The following LYRM4 variants were observed in gnomAD, a reference collection of about 807,000 sequenced individuals.
The protein encoded by LYRM4 is LYR motif containing 4.
A neutral mutation model predicts 11.7 loss-of-function variants in LYRM4; 9 were observed. That is an observed-to-expected ratio of 0.77 (90% CI 0.46 to 1.34). LYRM4 has a LOEUF of 1.34. LYRM4 is among the 40% of genes most tolerant of loss of function. LYRM4 has a pLI of 0.00. For missense variants in LYRM4, 133 were observed against 112.5 expected (o/e 1.18, Z -0.82); for synonymous variants, 42 against 40.4 (o/e 1.04, Z -0.15).
At chr6:5,185,203 C>T (rs1760315821) in intron 2 of LYRM4, among the ~76,000 whole-genome samples, 1 of 152,178 alleles carries the variant, frequency 6.6e-6, no homozygotes, top group South Asian at 2.1e-4. Context: ...AATATGTGTC[C>T]AATGAATGAA....
chr6:5,223,508 T>C (rs1762706989), intron 1 of LYRM4, among the ~76,000 whole-genome samples: 1 of 152,196 alleles, frequency 6.6e-6, no homozygotes, highest in Non-Finnish European at 1.5e-5. Flanking sequence ...CGATAAGCCC[T>C]ATCCAATCTT....
rs71540855 is a variant in LYRM4, at chr6:5,245,089, TA to T, written c.86+15558del. Reference sequence around the variant, plus strand: ...GCTGACTTTATTTGCAGGAAGACCTTAAAAAAAAAAAAAAAAAAAAAAAAAT... The same window carrying T: ...GCTGACTTTATTTGCAGGAAGACCTTAAAAAAAAAAAAAAAAAAAAAAAAT... On this transcript the variant is annotated intron_variant, in intron 1 of 2. Coordinates refer to ENST00000330636, the MANE Select transcript of LYRM4 (RefSeq NM_020408.6). Among the ~76,000 whole-genome samples the T allele has an allele frequency of 5.7e-3, 89 of 15,480 alleles. 12 individuals are homozygous for T. The highest frequency in any genetic ancestry group is 0.023 in the East Asian group (9 of 392). 10.2% of individuals were successfully genotyped at this position (15,480 alleles called of 152,430 possible).
the LYRM4 span, chr6:5,085,319 C>G: frequency 2.7e-5 from 15 of 554,240 alleles, no homozygotes; most frequent in South Asian, 3.8e-4. Flanking sequence ...AGCTAAAAGC[C>G]GGAGGCTCCA....
At chr6:5,162,581 T>C (rs1022507476) in intron 2 of LYRM4, among the ~76,000 whole-genome samples, 17 of 152,262 alleles carry the variant, frequency 1.1e-4, no homozygotes, top group African/African-American at 4.1e-4. Flanking sequence ...TTCATGGTAA[T>C]GGAAAAACTT....
At chr6:5,077,652 C>A in the LYRM4 span, among the ~76,000 whole-genome samples, 1 of 152,130 alleles carries the variant, frequency 6.6e-6, no homozygotes, top group African/African-American at 2.4e-5. Context: ...AGAATAAAAA[C>A]TTGACACTAA....
At chr6:5,138,304 C>T (rs978691416) in intron 2 of LYRM4, among the ~76,000 whole-genome samples, 1 of 151,752 alleles carries the variant, frequency 6.6e-6, no homozygotes, top group Admixed American at 6.6e-5. Context: ...GGCAACATGA[C>T]AAAACCCTGT....
At chr6:5,224,233 T>A (rs933472099) in intron 1 of LYRM4, among the ~76,000 whole-genome samples, 1 of 152,170 alleles carries the variant, frequency 6.6e-6, no homozygotes, top group Non-Finnish European at 1.5e-5. Flanking sequence ...AAGACCACAG[T>A]AAATAAATTA....
Position 5,112,438 on chromosome 6 carries a change from C to CAG in LYRM4, c.208-2949_208-2948dup, listed in dbSNP as rs543018099. On this transcript the variant is annotated intron_variant, in intron 2 of 2. Transcript: ENST00000330636. ...TGGCTCTGCCGCGAAGACAGACAGG[C>CAG]AGGCAGGGCTCTTTCCTACAAGTGA... Among the ~76,000 whole-genome samples, 152 of 152,332 alleles carry CAG rather than the reference C, an allele frequency of 1.0e-3. 2 individuals carry two copies. The highest frequency in any genetic ancestry group is 2.7e-3 in the African/African-American group (111 of 41,582).
At chr6:5,115,039 C>A (rs1763056481) in intron 2 of LYRM4, among the ~76,000 whole-genome samples, 1 of 152,152 alleles carries the variant, frequency 6.6e-6, no homozygotes, top group Non-Finnish European at 1.5e-5. Flanking sequence ...ATATCATTAA[C>A]TGTTCTTTTA....
chr6:5,234,657 A>G (rs1170159871), intron 1 of LYRM4, among the ~76,000 whole-genome samples: 1 of 152,182 alleles, frequency 6.6e-6, no homozygotes, highest in Non-Finnish European at 1.5e-5. Flanking sequence ...AAGGTTCTAC[A>G]TGAGTAGGAA....
chr6:5,135,458 A>G (rs421203), intron 2 of LYRM4, among the ~76,000 whole-genome samples: 34,749 of 40,668 alleles, frequency 0.85, 14,978 homozygotes, highest in East Asian at 0.93. Flanking sequence ...CACTCCCGGG[A>G]CTGTGGAGGG....
chr6:5,066,665 A>G, the LYRM4 span: 2 of 1,132,892 alleles, frequency 1.8e-6, no homozygotes, highest in South Asian at 1.2e-5. Context: ...TCAGGATTCC[A>G]GGACCTGGAC....
At chr6:5,150,156 G>C (rs188588516) in intron 2 of LYRM4, among the ~76,000 whole-genome samples, 1 of 152,284 alleles carries the variant, frequency 6.6e-6, no homozygotes, top group Non-Finnish European at 1.5e-5. Context: ...AGCTCAATAC[G>C]TAAGCTTTGT....
intron 1 of LYRM4, among the ~76,000 whole-genome samples, chr6:5,236,861 G>A (rs1318975314): frequency 6.6e-6 from 1 of 152,112 alleles, no homozygotes; most frequent in Non-Finnish European, 1.5e-5. Flanking sequence ...GGAGCCTGAG[G>A]TGGGTGGATC....
the LYRM4 span, chr6:5,086,554 G>T: frequency 6.6e-7 from 1 of 1,522,186 alleles, no homozygotes; most frequent in South Asian, 1.2e-5. Flanking sequence ...CCCTGCGGAC[G>T]CGCTCTGAGC....
At chr6:5,204,382 G>A (rs1398527115) in intron 2 of LYRM4, among the ~76,000 whole-genome samples, 1 of 152,146 alleles carries the variant, frequency 6.6e-6, no homozygotes, top group Non-Finnish European at 1.5e-5. Context: ...TAGTCTGAGT[G>A]TTTGTTAGTT....
At position 5,172,329 on chromosome 6, in the gene LYRM4, C is replaced by CA. The variant is rs113525806; in HGVS notation, c.207+44288dup. Among the ~76,000 whole-genome samples the CA allele has an allele frequency of 1.1e-3, 167 of 151,998 alleles. 3 individuals carry two copies. The highest frequency in any genetic ancestry group is 3.9e-3 in the African/African-American group (161 of 41,470). ...GAGCGGCAACAATTCTCAGAAGGCC[C>CA]AAAAAAAGGAGCTGAGGAGGGAGGA... On this transcript the variant is annotated intron_variant, in intron 2 of 2. Transcript: ENST00000330636.
rs974414205 is a variant in LYRM4 at position 5,144,316 on chromosome 6, G to C, written c.208-34825C>G. Reference sequence around the variant, plus strand: ...TGAGGGCTAGCCTCAGTTTGGACAAGAAAAAGAAGTGGCTTACGTGTAAGA... The same window carrying C: ...TGAGGGCTAGCCTCAGTTTGGACAACAAAAAGAAGTGGCTTACGTGTAAGA... On this transcript the variant is annotated intron_variant, in intron 2 of 2. Transcript: ENST00000330636. 33 of 1,533,342 alleles carry C rather than the reference G, an allele frequency of 2.2e-5. No individual in the cohort carries two copies. The African/African-American group carries it at 4.2e-4, about 20-fold the overall frequency. 95.0% of individuals were successfully genotyped at this position (1,533,342 alleles called of 1,614,324 possible). A position where few individuals can be genotyped will look rare whatever the true frequency, so the allele number is the denominator to read the frequency against.
intron 2 of LYRM4, among the ~76,000 whole-genome samples, chr6:5,194,137 C>A (rs1233734808): frequency 6.6e-6 from 1 of 151,912 alleles, no homozygotes; most frequent in African/African-American, 2.4e-5. Flanking sequence ...GGAGACTACC[C>A]TCCAAATTAA....
Sources: allele counts gnomAD v4.1 joint callset (sites outside exome capture counted in the v4.1 genomes callset), GRCh38; gene constraint gnomAD v4.1.1; transcripts MANE v1.5; gene names NCBI Gene and HGNC (gene_info 2026-07-23, HGNC 2026-07-21).